RIMS2: variants seen among roughly 807,000 people sequenced by gnomAD.
RIMS2 encodes regulating synaptic membrane exocytosis protein 2.
RIMS2 carries 59 observed loss-of-function variants against 174.4 expected under a neutral mutation model. That is an observed-to-expected ratio of 0.34 (90% CI 0.27 to 0.42). RIMS2 has a LOEUF of 0.42. RIMS2 is among the 10% of genes least tolerant of loss of function. RIMS2 has a pLI of 1.00. For synonymous variants in RIMS2, 606 were observed against 572.5 expected (o/e 1.06, Z -0.84); for missense variants, 1,620 against 1,666.3 (o/e 0.97, Z 0.48).
intron 2 of RIMS2, among the ~76,000 whole-genome samples, chr8:103,759,564 C>CAAAAAAAAA (rs35946104): frequency 7.1e-5 from 5 of 70,006 alleles, no homozygotes; most frequent in Non-Finnish European, 1.1e-4. Flanking sequence ...GACTCCGTCT[C>CAAAAAAAAA]AAAAAAAAAA....
intron 1 of RIMS2, among the ~76,000 whole-genome samples, chr8:103,587,268 A>G (rs1017897996): frequency 2.0e-5 from 3 of 152,034 alleles, no homozygotes; most frequent in Non-Finnish European, 4.4e-5. Flanking sequence ...GCCGAATTCT[A>G]CCAAACATTT....
At chr8:103,611,404 G>A (rs556324706) in intron 1 of RIMS2, among the ~76,000 whole-genome samples, 1 of 151,926 alleles carries the variant, frequency 6.6e-6, no homozygotes, top group South Asian at 2.1e-4. Context: ...AGTGAGTTTT[G>A]TGTTTTCAGA....
intron 19 of RIMS2, among the ~76,000 whole-genome samples, chr8:104,089,011 A>G (rs2097584027): frequency 6.6e-6 from 1 of 151,966 alleles, no homozygotes; most frequent in Non-Finnish European, 1.5e-5. Flanking sequence ...TTTCTAGTTC[A>G]TGATCTTCTT....
chr8:103,553,152 T>A (rs922656545), intron 1 of RIMS2, among the ~76,000 whole-genome samples: 14 of 152,044 alleles, frequency 9.2e-5, no homozygotes, highest in Non-Finnish European at 1.8e-4. Context: ...CACATGTGTG[T>A]TTATTGTGGC....
chr8:103,661,466 A>G (rs2096599245), intron 1 of RIMS2, among the ~76,000 whole-genome samples: 1 of 152,002 alleles, frequency 6.6e-6, no homozygotes, highest in African/African-American at 2.4e-5. Flanking sequence ...TAATTTCCCT[A>G]ATTTCCCATT....
At chr8:104,106,685 G>GA (rs139287607) in intron 19 of RIMS2, among the ~76,000 whole-genome samples, 3,163 of 152,080 alleles carry the variant, frequency 0.021, 46 homozygotes, top group Middle Eastern at 0.11. Context: ...AATTACAGTA[G>GA]AAAAAAATGC....
intron 2 of RIMS2, among the ~76,000 whole-genome samples, chr8:103,698,105 A>G (rs914527515): frequency 2.0e-5 from 3 of 152,188 alleles, no homozygotes; most frequent in African/African-American, 7.2e-5. Context: ...CTTAGACATA[A>G]TGGTGGAAAT....
chr8:104,148,974 T>G (rs1394115798), intron 19 of RIMS2, 126 bp downstream of exon 25: 2 of 927,328 alleles, frequency 2.2e-6, no homozygotes, highest in African/African-American at 3.3e-5. Context: ...GAAAGGGCAT[T>G]TTAAACTAGT....
At chr8:103,752,530 A>C (rs1433266125) in intron 2 of RIMS2, among the ~76,000 whole-genome samples, 1 of 152,154 alleles carries the variant, frequency 6.6e-6, no homozygotes, top group African/African-American at 2.4e-5. Context: ...GAATCTATAA[A>C]TTACCTTGGG....
chr8:104,137,888 C>G (rs1162301387), intron 19 of RIMS2, among the ~76,000 whole-genome samples: 2 of 152,100 alleles, frequency 1.3e-5, no homozygotes, highest in Admixed American at 6.6e-5. Context: ...TTCATTCTAT[C>G]TAATCATATT....
chr8:103,681,182 C>G (rs2096875638), intron 1 of RIMS2, among the ~76,000 whole-genome samples: 1 of 151,926 alleles, frequency 6.6e-6, no homozygotes, highest in Non-Finnish European at 1.5e-5. Flanking sequence ...TTGGATTTGG[C>G]TTTTACCATT....
chr8:103,908,991 G>A (rs2075100122), intron 4 of RIMS2, among the ~76,000 whole-genome samples: 1 of 152,080 alleles, frequency 6.6e-6, no homozygotes, highest in Admixed American at 6.5e-5. Flanking sequence ...CAGAAACCAT[G>A]GTGTTCCTTC....
chr8:104,053,917 G>C (rs79163135), intron 19 of RIMS2, among the ~76,000 whole-genome samples: 1 of 152,174 alleles, frequency 6.6e-6, no homozygotes, highest in East Asian at 1.9e-4. Context: ...CTAGAGGTCA[G>C]GGAAGAGGAG....
intron 1 of RIMS2, among the ~76,000 whole-genome samples, chr8:103,506,309 A>C (rs774752659): frequency 6.6e-6 from 1 of 152,140 alleles, no homozygotes; most frequent in Non-Finnish European, 1.5e-5. Flanking sequence ...TCTTGACAAT[A>C]GATTTTGATA....
chr8:104,092,221 C>T (rs189566803), intron 19 of RIMS2, among the ~76,000 whole-genome samples: 1 of 151,754 alleles, frequency 6.6e-6, no homozygotes, highest in Non-Finnish European at 1.5e-5. Context: ...CTATCTAATA[C>T]TTGCAATGAA....
exon 19 of RIMS2, chr8:104,014,584 A>T (rs1461488511): frequency 6.2e-7 from 1 of 1,612,666 alleles, no homozygotes; most frequent in Non-Finnish European, 8.5e-7. Flanking sequence ...GACAGCTTCC[A>T]CAGCTTCCAC....
rs142048408 is a variant in RIMS2, at chr8:103,539,068, A to G, written c.176+38006A>G. Among the ~76,000 whole-genome samples the G allele has an allele frequency of 4.9e-3, 743 of 152,328 alleles. 7 individuals are homozygous for G. The highest frequency in any genetic ancestry group is 0.017 in the African/African-American group (718 of 41,562). On this transcript the variant is annotated intron_variant, in intron 1 of 23. Transcript: ENST00000504942. The stretch of plus-strand genomic sequence containing the variant: ...AGAAAATTTAGCCAGGAGTAATGGC[A>G]TGTGCCTTTAATCTCAGCTACTTGA...
intron 13 of RIMS2, 55 bp from the exon 16 acceptor site, chr8:103,942,718 A>G (rs2082817046): frequency 2.4e-6 from 3 of 1,264,428 alleles, no homozygotes; most frequent in South Asian, 2.9e-5. Context: ...ACCATTTAAC[A>G]TAATTTCTTT....
At chr8:103,834,742 T>TTCTCTCTCTCTCTC (rs780656073) in intron 3 of RIMS2, among the ~76,000 whole-genome samples, 23 of 109,528 alleles carry the variant, frequency 2.1e-4, no homozygotes, top group African/African-American at 8.1e-4. Flanking sequence ...CTTTCTTTCT[T>TTCTCTCTCTCTCTC]TCTCTCTCTT....
Sources: allele counts gnomAD v4.1 joint callset (sites outside exome capture counted in the v4.1 genomes callset), GRCh38; gene constraint gnomAD v4.1.1; transcripts MANE v1.5; gene names NCBI Gene and HGNC (gene_info 2026-07-23, HGNC 2026-07-21).